FGF1: variants seen among roughly 807,000 people sequenced by gnomAD.
FGF1 encodes fibroblast growth factor 1.
FGF1 carries 9 observed loss-of-function variants against 13.4 expected under a neutral mutation model. The ratio of observed to expected loss-of-function variants is 0.67; its 90% confidence interval spans 0.40 to 1.17. The LOEUF (loss-of-function observed/expected upper bound fraction) is 1.17. Ranked by LOEUF, FGF1 falls within the 50% of genes most tolerant of loss-of-function variation. The pLI is 0.01. For missense variants in FGF1, 156 were observed against 192.7 expected, an observed-to-expected ratio of 0.81 and a Z score of 1.13; for synonymous variants, 93 against 79.0, an observed-to-expected ratio of 1.18 and a Z score of -0.94.
chr5:142,680,059 G>A (rs1267681368), intron 1 of FGF1: 3 of 152,196 alleles, frequency 2.0e-5, no homozygotes, highest in Admixed American at 2.0e-4. Context: ...CACTCACTTT[G>A]TCTTCTCTCT....
At chr5:142,669,480 G>C (rs1310895261) in intron 1 of FGF1, among the ~76,000 whole-genome samples, 3 of 152,130 alleles carry the variant, frequency 2.0e-5, no homozygotes, top group African/African-American at 7.2e-5. Context: ...CATGAGAGTG[G>C]AAGGGAGAGA....
intron 1 of FGF1, chr5:142,671,981 T>C (rs1771546918): frequency 6.6e-6 from 1 of 152,098 alleles, no homozygotes; most frequent in African/African-American, 2.4e-5. Context: ...ACAACTGAGG[T>C]TTTTCCTAAC....
chr5:142,655,450 A>G (rs1767992243), intron 1 of FGF1, among the ~76,000 whole-genome samples: 2 of 152,230 alleles, frequency 1.3e-5, no homozygotes, highest in Admixed American at 1.3e-4. Flanking sequence ...GAGTGGACAG[A>G]AAACGTCAAT....
At chr5:142,610,522 TC>T (rs1334232982) in intron 2 of FGF1, among the ~76,000 whole-genome samples, 1 of 152,080 alleles carries the variant, frequency 6.6e-6, no homozygotes, top group Non-Finnish European at 1.5e-5. Flanking sequence ...TTCCAGGACC[TC>T]CCCCTCTCAT....
chr5:142,647,675 A>C (rs1373269061), intron 1 of FGF1, among the ~76,000 whole-genome samples: 1 of 152,232 alleles, frequency 6.6e-6, no homozygotes, highest in Non-Finnish European at 1.5e-5. Context: ...TACAATACTT[A>C]TAATAATTTT....
At chr5:142,651,091 C>T (rs1007357111) in intron 1 of FGF1, among the ~76,000 whole-genome samples, 1 of 152,004 alleles carries the variant, frequency 6.6e-6, no homozygotes, top group African/African-American at 2.4e-5. Flanking sequence ...TGAAGGAAGG[C>T]GGCTGCGAGG....
rs13179391 is a variant in FGF1, at chr5:142,695,887, C to T, written c.-35+1735G>A. The stretch of plus-strand genomic sequence containing the variant: ...GCCATTCTGATTCAGAGAGGGGAGA[C>T]AGCAGGAAAGTCTGGAAGGGCCAGA... On this transcript the variant is annotated intron_variant, in intron 2 of 4. Transcript: ENST00000407758. Among the ~76,000 whole-genome samples, 3 of 152,254 alleles carry T rather than the reference C, an allele frequency of 2.0e-5. No individual in the cohort carries two copies. In the East Asian group the frequency reaches 5.8e-4, roughly 29 times the overall value.
At chr5:142,672,803 C>T (rs144426460) in intron 1 of FGF1, among the ~76,000 whole-genome samples, 1 of 152,232 alleles carries the variant, frequency 6.6e-6, no homozygotes, top group Non-Finnish European at 1.5e-5. Context: ...CCGCCCCCTG[C>T]CTTCTATGCA....
intron 1 of FGF1, among the ~76,000 whole-genome samples, chr5:142,678,303 G>A (rs185631125): frequency 7.2e-5 from 11 of 152,204 alleles, no homozygotes; most frequent in East Asian, 5.8e-4. Context: ...TGTGGCAGAC[G>A]GGGTATGTGG....
At chr5:142,674,299 T>G (rs1243223331) in intron 1 of FGF1, among the ~76,000 whole-genome samples, 3 of 152,208 alleles carry the variant, frequency 2.0e-5, no homozygotes, top group African/African-American at 7.2e-5. Context: ...CATCAGAATG[T>G]CAGTGGCTCA....
upstream of FGF1, among the ~76,000 whole-genome samples, chr5:142,687,908 CT>C (rs1330665363): frequency 2.6e-5 from 4 of 152,230 alleles, no homozygotes; most frequent in East Asian, 5.8e-4. Context: ...GATTCCCCCC[CT>C]CCTAGTGGAA....
At chr5:142,620,392 T>G (rs1480056584) in intron 1 of FGF1, among the ~76,000 whole-genome samples, 1 of 151,846 alleles carries the variant, frequency 6.6e-6, no homozygotes, top group African/African-American at 2.4e-5. Flanking sequence ...CACTCCAGCC[T>G]GGGTGACAGA....
At chr5:142,696,966 T>C (rs1325107436) in intron 2 of FGF1, among the ~76,000 whole-genome samples, 1 of 152,222 alleles carries the variant, frequency 6.6e-6, no homozygotes, top group East Asian at 1.9e-4. Flanking sequence ...ACATGTTCTA[T>C]GAGGAGGCAT....
chr5:142,686,492 T>G (rs1751244370), upstream of FGF1: 1 of 152,240 alleles, frequency 6.6e-6, no homozygotes, highest in Non-Finnish European at 1.5e-5. Context: ...CCGAATGGAC[T>G]TCTGGCCCGT....
intron 1 of FGF1, chr5:142,680,039 T>C (rs1773415872): frequency 6.6e-6 from 1 of 152,254 alleles, no homozygotes; most frequent in Non-Finnish European, 1.5e-5. Context: ...GGCCATCTTC[T>C]TCCTATGTCC....
At chr5:142,648,689 CA>C (rs11451715) in intron 1 of FGF1, among the ~76,000 whole-genome samples, 10,856 of 66,590 alleles carry the variant, frequency 0.16, 307 homozygotes, top group Non-Finnish European at 0.2. Context: ...CCCCACCAAC[CA>C]AAAAAAAAAA....
At chr5:142,627,926 G>C (rs1269035492) in intron 1 of FGF1, among the ~76,000 whole-genome samples, 1 of 152,122 alleles carries the variant, frequency 6.6e-6, no homozygotes, top group African/African-American at 2.4e-5. Context: ...TGCACTGTTT[G>C]CTCCCTGTTT....
chr5:142,686,777 G>A (rs1468886728), upstream of FGF1, among the ~76,000 whole-genome samples: 5 of 152,294 alleles, frequency 3.3e-5, no homozygotes, highest in African/African-American at 7.2e-5. Context: ...TGGGACTGGC[G>A]AGGGGCTGCA....
intron 1 of FGF1, among the ~76,000 whole-genome samples, chr5:142,674,519 C>A (rs1772119415): frequency 6.6e-6 from 1 of 152,122 alleles, no homozygotes; most frequent in South Asian, 2.1e-4. Flanking sequence ...AAAATAAAAC[C>A]CTTGGGTAGA....
Sources: gnomAD v4.1 joint callset for allele counts (sites outside exome capture counted in the v4.1 genomes callset) on GRCh38, gnomAD v4.1.1 for gene constraint, MANE v1.5 for transcripts, NCBI Gene and HGNC (gene_info 2026-07-23, HGNC 2026-07-21) for gene names.